The following TNRC6B variants were observed in gnomAD, a reference collection of about 807,000 sequenced individuals.
TNRC6B encodes the protein trinucleotide repeat-containing gene 6B protein.
In TNRC6B, 52 loss-of-function variants were observed where a neutral mutation model predicts 203.6. The ratio of observed to expected loss-of-function variants is 0.26; its 90% confidence interval spans 0.20 to 0.32. TNRC6B has a LOEUF of 0.32. TNRC6B is among the 10% of genes least tolerant of loss of function. The probability of loss-of-function intolerance (pLI) is 1.00; values close to 1 mark genes in which losing one functional copy is unlikely to be tolerated. For synonymous variants in TNRC6B, 838 were observed against 845.7 expected, an observed-to-expected ratio of 0.99 and a Z score of 0.16; for missense variants, 1,923 against 2,286.2, an observed-to-expected ratio of 0.84 and a Z score of 3.24.
At chr22:40,255,033 G>A (rs1289876070) in intron 3 of TNRC6B, among the ~76,000 whole-genome samples, 1 of 152,192 alleles carries the variant, frequency 6.6e-6, no homozygotes, top group Non-Finnish European at 1.5e-5. Flanking sequence ...CAAGGAATTT[G>A]TCAACTCAGG....
At chr22:40,060,173 A>C (rs887853577) in intron 1 of TNRC6B, among the ~76,000 whole-genome samples, 3 of 149,822 alleles carry the variant, frequency 2.0e-5, no homozygotes, top group Non-Finnish European at 3.0e-5. Context: ...TTAGCAAAAA[A>C]AGTTTTAACA....
At chr22:40,288,939 G>C (rs1305732919) in intron 12 of TNRC6B, among the ~76,000 whole-genome samples, 1 of 148,268 alleles carries the variant, frequency 6.7e-6, no homozygotes, top group African/African-American at 2.5e-5. Context: ...TCAGCCTCCT[G>C]AGTAGCTAGG....
At chr22:40,165,126 C>T in intron 4 of TNRC6B, among the ~76,000 whole-genome samples, 1 of 135,138 alleles carries the variant, frequency 7.4e-6, no homozygotes, top group Non-Finnish European at 1.6e-5. Context: ...CAGGGTCTTA[C>T]TTTGTCACCC....
intron 5 of TNRC6B, among the ~76,000 whole-genome samples, chr22:40,269,296 C>A (rs1311835353): frequency 6.6e-6 from 1 of 151,814 alleles, no homozygotes; most frequent in African/African-American, 2.4e-5. Flanking sequence ...TCACGCCCAG[C>A]TAATTTTTGT....
At chr22:40,188,048 C>T (rs1003827584) in intron 1 of TNRC6B, among the ~76,000 whole-genome samples, 3 of 152,018 alleles carry the variant, frequency 2.0e-5, no homozygotes, top group Admixed American at 6.6e-5. Context: ...GGTGAAACCT[C>T]GTCTCTACTA....
intron 4 of TNRC6B, among the ~76,000 whole-genome samples, chr22:40,171,011 C>A: frequency 7.4e-6 from 1 of 134,966 alleles, no homozygotes; most frequent in East Asian, 2.1e-4. Flanking sequence ...ACACATATAC[C>A]TATATATGAC....
At chr22:40,211,957 A>G (rs1469779707) in intron 1 of TNRC6B, among the ~76,000 whole-genome samples, 1 of 152,038 alleles carries the variant, frequency 6.6e-6, no homozygotes, top group Non-Finnish European at 1.5e-5. Context: ...CTCCTGCTGG[A>G]TAGTCTTTCT....
chr22:40,312,738 C>T (rs2071202764), intron 18 of TNRC6B, 87 bp downstream of exon 18: 5 of 1,528,222 alleles, frequency 3.3e-6, no homozygotes, highest in Non-Finnish European at 4.4e-6. Context: ...TTGCTGGTAC[C>T]TAAAAGTTTA....
intron 1 of TNRC6B, among the ~76,000 whole-genome samples, chr22:40,078,247 G>T (rs139285959): frequency 6.6e-6 from 1 of 152,128 alleles, no homozygotes; most frequent in Non-Finnish European, 1.5e-5. Flanking sequence ...TTTATGATTG[G>T]CTGGTTTTAG....
At chr22:40,239,741 A>T (rs1462052719) in intron 1 of TNRC6B, among the ~76,000 whole-genome samples, 1 of 152,202 alleles carries the variant, frequency 6.6e-6, no homozygotes, top group Non-Finnish European at 1.5e-5. Context: ...GGATCTCAGC[A>T]TCGTTGCTTT....
intron 12 of TNRC6B, among the ~76,000 whole-genome samples, chr22:40,286,342 A>G (rs896688186): frequency 1.3e-5 from 2 of 152,166 alleles, no homozygotes; most frequent in African/African-American, 4.8e-5. Context: ...GCCAGGCATA[A>G]AGAACAAAAC....
At position 40,321,219 on chromosome 22, in the gene TNRC6B, G is replaced by A; in HGVS notation, c.5104G>A (p.Ala1702Thr). 1.2e-6 allele frequency: 2 copies of A among 1,613,836 alleles called. No individual in the cohort carries two copies. Among genetic ancestry groups the A allele is most frequent in the Non-Finnish European group, 1.7e-6 (2 of 1,179,898 alleles). ...TKQEAAKAQT[A>T]LHMCVLGNTT... ...ACAGGAGGCGGCCAAGGCCCAAACT[G>A]CACTGCACATGTGAGTATTCGGTCC... Residue 1702 changes from alanine (A) to threonine (T), a missense_variant, in exon 22 of 23, where the codon GCA (alanine) becomes ACA (threonine). By Grantham distance (58) the Ala-to-Thr change is moderately conservative (BLOSUM62 0). This residue lies in a region of TNRC6B where 34 missense variants were observed against 98.5 expected (regional missense o/e 0.35). Transcript: ENST00000454349.
At chr22:40,276,203 CG>C (rs2070642088) in intron 7 of TNRC6B, among the ~76,000 whole-genome samples, 1 of 151,120 alleles carries the variant, frequency 6.6e-6, no homozygotes, top group Non-Finnish European at 1.5e-5. Flanking sequence ...AAAAATTAAC[CG>C]GGCATGGTGG....
At chr22:40,310,137 C>T (rs1043485362) in intron 16 of TNRC6B, among the ~76,000 whole-genome samples, 3 of 152,162 alleles carry the variant, frequency 2.0e-5, no homozygotes, top group South Asian at 2.1e-4. Flanking sequence ...ATGGGGGCAG[C>T]GACAAAACCA....
rs1194758033 is a variant in TNRC6B, at chr22:40,264,847, A to G, written c.617A>G (p.Lys206Arg). Residue 206 changes from lysine to arginine, a missense_variant, in exon 5 of 23, where the codon AAA becomes AGA. Around this residue, in one of 8 missense-constraint regions of TNRC6B, gnomAD observed 614 missense variants for 587.7 expected, o/e 1.04. Transcript: ENST00000454349. Reference sequence around the variant, plus strand: ...GAAGAGTGGCCTTGTATTGCCAGCAAAGACACTGAATCTTCTTCCGAAAAC... The same window carrying G: ...GAAGAGTGGCCTTGTATTGCCAGCAGAGACACTGAATCTTCTTCCGAAAAC... ...DMEEWPCIAS[K>R]DTESSSENTT... 1.9e-6 allele frequency: 3 copies of G among 1,613,952 alleles called. No individual in the cohort carries two copies. Among genetic ancestry groups the G allele is most frequent in the Non-Finnish European group, 2.5e-6 (3 of 1,179,890 alleles).
chr22:40,146,561 ATTTTTTT>A (rs59901929), intron 3 of TNRC6B, among the ~76,000 whole-genome samples: 2 of 109,240 alleles, frequency 1.8e-5, no homozygotes, highest in African/African-American at 3.7e-5. Flanking sequence ...CGCCCGGCTA[ATTTTTTT>A]TTTTTTTTTT....
Position 40,270,133 on chromosome 22 carries a change from A to G in TNRC6B, c.2818A>G (p.Ser940Gly). 1 of 1,586,720 alleles carries G rather than the reference A, an allele frequency of 6.3e-7. No homozygotes were observed. Among genetic ancestry groups the G allele is most frequent in the Admixed American group, 1.8e-5 (1 of 55,750 alleles). Residue 940 changes from serine (S) to glycine (G), a missense_variant, in exon 6 of 23, where the codon AGC becomes GGC. Ser to Gly is a moderately conservative substitution (Grantham distance 56). Transcript: ENST00000454349. ...TCCTTTCTTTATAGTCTGGAGCAAAAGCACACCACCTGCTCCAGATAATGG... is the reference window on the plus strand; with the variant it reads ...TCCTTTCTTTATAGTCTGGAGCAAAGGCACACCACCTGCTCCAGATAATGG... ...TSKSASVWSK[S>G]TPPAPDNGTS...
intron 4 of TNRC6B, among the ~76,000 whole-genome samples, chr22:40,168,502 A>G (rs1036266739): frequency 1.3e-5 from 2 of 152,186 alleles, no homozygotes; most frequent in African/African-American, 2.4e-5. Context: ...TTGAGGTTCA[A>G]TTCTAAGGAA....
chr22:40,233,793 T>A (rs2069911683), intron 1 of TNRC6B, among the ~76,000 whole-genome samples: 1 of 152,176 alleles, frequency 6.6e-6, no homozygotes, highest in Admixed American at 6.5e-5. Context: ...CCTCACGTTC[T>A]TTTACTCACT....
Sources: gnomAD v4.1 joint callset for allele counts (sites outside exome capture counted in the v4.1 genomes callset) on GRCh38, gnomAD v4.1.1 for gene constraint, gnomAD v4.1.1 regional missense constraint, MANE v1.5 for transcripts, NCBI Gene and HGNC (gene_info 2026-07-23, HGNC 2026-07-21) for gene names.